Variants in PIK3AP1 observed in about 807,000 individuals in gnomAD.
PIK3AP1 encodes the protein phosphoinositide 3-kinase adapter protein 1.
In PIK3AP1, 21 loss-of-function variants were observed where a neutral mutation model predicts 88.1. The observed-to-expected ratio is 0.24, with a 90% confidence interval of 0.17 to 0.34. The LOEUF is 0.34. Among genes scored for constraint, PIK3AP1 ranks in the 10% least tolerant of loss-of-function variants. PIK3AP1 has a pLI of 1.00. For synonymous variants in PIK3AP1, 398 were observed against 400.0 expected (o/e 1.00, Z 0.06); for missense variants, 828 against 1,035.7 (o/e 0.80, Z 2.75).
rs1849076414 is a variant in PIK3AP1, at chr10:96,609,828, A to G, written c.2054T>C (p.Leu685Pro). ...ITVPIRHSQH[L>P]PAKVEFGVYE... is the part of the protein sequence containing the mutation. ...GACTCCAAACTCCACTTTTGCAGGC[A>G]GGTGCTGTGAGTGCCGAATTGGGAC... is the stretch of plus-strand genomic sequence containing the variant. Residue 685 changes from leucine (L) to proline (P), a missense_variant, in exon 14 of 17, where the codon CTG becomes CCG. Leu to Pro is a moderately conservative substitution (Grantham distance 98). This residue lies in a region of PIK3AP1 where 191 missense variants were observed against 208.6 expected (regional missense o/e 0.92). Coordinates refer to ENST00000339364, the MANE Select transcript of PIK3AP1 (RefSeq NM_152309.3). 2 of 1,614,182 alleles carry G rather than the reference A, an allele frequency of 1.2e-6. No homozygotes were observed. The highest frequency in any genetic ancestry group is 1.7e-6 in the Non-Finnish European group (2 of 1,180,002).
Position 96,645,540 on chromosome 10 carries a change from G to A in PIK3AP1, c.1308C>T (p.Asn436=). 4 of 1,614,066 alleles carry A rather than the reference G, an allele frequency of 2.5e-6. No individual in the cohort carries two copies. The highest frequency in any genetic ancestry group is 2.5e-6 in the Non-Finnish European group (3 of 1,179,976). The change falls in exon 8 of 17, where the codon AAC becomes AAT. Residue 436 remains asparagine, a synonymous_variant. Transcript: ENST00000339364. ...STDLLMKCSL[N]PGCDEDLYES... Reference sequence around the variant, plus strand: ...CATAGAGATCCTCGTCACAGCCGGGGTTGAGCGAGCATTTCATAAGCAGGT... The same window carrying A: ...CATAGAGATCCTCGTCACAGCCGGGATTGAGCGAGCATTTCATAAGCAGGT...
intron 16 of PIK3AP1, among the ~76,000 whole-genome samples, chr10:96,597,533 C>T (rs1848797098): frequency 1.3e-5 from 2 of 152,040 alleles, no homozygotes; most frequent in African/African-American, 4.8e-5. Context: ...GTAAACTCTA[C>T]AGAGCAATTT....
chr10:96,707,284 A>C (rs1191581299), intron 2 of PIK3AP1, among the ~76,000 whole-genome samples: 1 of 152,018 alleles, frequency 6.6e-6, no homozygotes, highest in Non-Finnish European at 1.5e-5. Context: ...AAATAACACT[A>C]CTGTTTTTTG....
chr10:96,710,043 A>C, intron 1 of PIK3AP1, 60 bp from the exon 2 acceptor site: 1 of 1,496,150 alleles, frequency 6.7e-7, no homozygotes, highest in Non-Finnish European at 9.0e-7. Flanking sequence ...GTGGCTCCCC[A>C]CAGCCTGCAA....
chr10:96,674,073 C>T (rs1477714595), intron 2 of PIK3AP1, among the ~76,000 whole-genome samples: 1 of 152,158 alleles, frequency 6.6e-6, no homozygotes, highest in Non-Finnish European at 1.5e-5. Flanking sequence ...GGGTGTGATG[C>T]TTCTTGGCGA....
In PIK3AP1 at chr10:96,645,782, T is replaced by C. The variant is rs781676081; in HGVS notation, c.1186-120A>G. 1.5e-5 allele frequency: 12 copies of C among 784,088 alleles called. No homozygotes were observed. The South Asian group carries it at 2.1e-4, about 14-fold the overall frequency. The allele number at this position is 784,088 out of a possible 1,614,324, so 48.6% of individuals were successfully genotyped here. ...GGCTCCCATGAGTCAGGATTACAAC[T>C]GGTTGTGTGTATTTGTATTTTCCCA... On this transcript the variant is annotated intron_variant, in intron 7 of 16. Transcript: ENST00000339364.
At chr10:96,661,939 G>T (rs1007615897) in intron 2 of PIK3AP1, among the ~76,000 whole-genome samples, 3 of 151,624 alleles carry the variant, frequency 2.0e-5, no homozygotes, top group Non-Finnish European at 4.4e-5. Context: ...AAATTTAGAT[G>T]GATTAGAGAT....
intron 8 of PIK3AP1, among the ~76,000 whole-genome samples, chr10:96,636,138 AC>A (rs1843309306): frequency 6.6e-6 from 1 of 151,916 alleles, no homozygotes; most frequent in Non-Finnish European, 1.5e-5. Context: ...AACTGCTTGA[AC>A]CCGGGAGGCA....
intron 2 of PIK3AP1, among the ~76,000 whole-genome samples, chr10:96,672,946 T>A (rs7895244): frequency 0.12 from 18,151 of 152,226 alleles, 1,805 homozygotes; most frequent in African/African-American, 0.25. Flanking sequence ...GAGATGACTA[T>A]CTCCATTTTG....
chr10:96,610,709 C>A (rs901646951), intron 13 of PIK3AP1, among the ~76,000 whole-genome samples: 11 of 152,320 alleles, frequency 7.2e-5, no homozygotes, highest in African/African-American at 2.6e-4. Context: ...ACTGGCTTAA[C>A]CCTACCCAGA....
intron 9 of PIK3AP1, 107 bp from the exon 10 acceptor site, chr10:96,627,012 C>T: frequency 9.5e-7 from 1 of 1,055,316 alleles, no homozygotes; most frequent in Non-Finnish European, 1.5e-6. Context: ...AGTGCTGCCC[C>T]CTGGCAAAGG....
chr10:96,616,787 T>C (rs1849222136), intron 12 of PIK3AP1, 76 bp from the exon 13 acceptor site: 1 of 1,398,872 alleles, frequency 7.1e-7, no homozygotes, highest in African/African-American at 1.4e-5. Context: ...TCTTTCAGAT[T>C]GTATGCTGTT....
chr10:96,708,468 G>A (rs184372168), intron 2 of PIK3AP1, among the ~76,000 whole-genome samples: 14 of 151,434 alleles, frequency 9.2e-5, no homozygotes, highest in Admixed American at 1.3e-4. Flanking sequence ...CCAGCTACTC[G>A]GGAGGCTGAG....
At chr10:96,603,170 G>T (rs1424154909) in intron 15 of PIK3AP1, among the ~76,000 whole-genome samples, 1 of 152,040 alleles carries the variant, frequency 6.6e-6, no homozygotes, top group Admixed American at 6.5e-5. Context: ...TCTATTTATT[G>T]AGGTGAAGTT....
intron 8 of PIK3AP1, chr10:96,632,814 G>A: frequency 6.5e-7 from 1 of 1,549,884 alleles, no homozygotes; most frequent in Non-Finnish European, 8.7e-7. Context: ...TCCCACTTCT[G>A]GCTGTATTGA....
chr10:96,604,185 C>T (rs758589546), intron 14 of PIK3AP1, 136 bp from the exon 15 acceptor site: 5 of 701,586 alleles, frequency 7.1e-6, no homozygotes, highest in African/African-American at 3.7e-5. Context: ...CAAACTTTGG[C>T]CATCTTATAC....
At chr10:96,631,891 A>G in intron 8 of PIK3AP1, among the ~76,000 whole-genome samples, 1 of 149,886 alleles carries the variant, frequency 6.7e-6, no homozygotes, top group East Asian at 1.9e-4. Context: ...CTCAAAAAAC[A>G]AAACAAAACA....
At chr10:96,638,686 A>T (rs986459289) in intron 8 of PIK3AP1, among the ~76,000 whole-genome samples, 2 of 152,190 alleles carry the variant, frequency 1.3e-5, no homozygotes, top group Admixed American at 1.3e-4. Flanking sequence ...AGTCTATGGG[A>T]TGCATTTGTG....
chr10:96,677,831 C>G (rs570205), intron 2 of PIK3AP1, among the ~76,000 whole-genome samples: 1,678 of 152,324 alleles, frequency 0.011, 33 homozygotes, highest in African/African-American at 0.039. Context: ...CAAGAAGAAT[C>G]TGTCCCAGGG....
Sources: allele counts gnomAD v4.1 joint callset (sites outside exome capture counted in the v4.1 genomes callset), GRCh38; gene constraint gnomAD v4.1.1; regional missense constraint gnomAD v4.1.1; transcripts MANE v1.5; gene names NCBI Gene and HGNC (gene_info 2026-07-23, HGNC 2026-07-21).